Variants in KHDRBS2 observed in about 807,000 individuals in gnomAD.
KHDRBS2 encodes the protein KH RNA binding domain containing, signal transduction associated 2.
KHDRBS2 carries 26 observed loss-of-function variants against 44.3 expected under a neutral mutation model. That is an observed-to-expected ratio of 0.59 (90% CI 0.43 to 0.81). The LOEUF is 0.81. Among genes scored for constraint, KHDRBS2 ranks in the 40% least tolerant of loss-of-function variants. The probability of loss-of-function intolerance (pLI) is 0.00; values close to 1 mark genes in which losing one functional copy is unlikely to be tolerated. For synonymous variants in KHDRBS2, 194 were observed against 151.1 expected, an observed-to-expected ratio of 1.28 and a Z score of -2.08; for missense variants, 476 against 433.1, an observed-to-expected ratio of 1.10 and a Z score of -0.88.
At chr6:61,567,656 A>T in the KHDRBS2 span, among the ~76,000 whole-genome samples, 1 of 151,664 alleles carries the variant, frequency 6.6e-6, no homozygotes, top group Non-Finnish European at 1.5e-5. Flanking sequence ...AAAACAAACA[A>T]ACAAAAAAAA....
the KHDRBS2 span, among the ~76,000 whole-genome samples, chr6:61,604,837 C>T: frequency 6.6e-6 from 1 of 152,098 alleles, no homozygotes; most frequent in Admixed American, 6.6e-5. Flanking sequence ...CTGAAAAGGC[C>T]ACCATGGTCA....
chr6:61,656,658 G>A, the KHDRBS2 span, among the ~76,000 whole-genome samples: 1 of 151,926 alleles, frequency 6.6e-6, no homozygotes, highest in African/African-American at 2.4e-5. Context: ...AGACACACCA[G>A]GGTCTACTTC....
At chr6:61,913,236 G>T (rs1483494142) in intron 4 of KHDRBS2, among the ~76,000 whole-genome samples, 2 of 152,082 alleles carry the variant, frequency 1.3e-5, no homozygotes, top group African/African-American at 4.8e-5. Flanking sequence ...AGGATCTCAA[G>T]AAGTGGAGAT....
At chr6:61,941,548 G>T (rs1267910665) in intron 4 of KHDRBS2, among the ~76,000 whole-genome samples, 1 of 152,006 alleles carries the variant, frequency 6.6e-6, no homozygotes, top group African/African-American at 2.4e-5. Context: ...CACCACTAGG[G>T]CCTGAAGACT....
chr6:61,549,307 C>T, the KHDRBS2 span, among the ~76,000 whole-genome samples: 94 of 152,194 alleles, frequency 6.2e-4, no homozygotes, highest in Middle Eastern at 3.4e-3. Context: ...CTGTTTCAAA[C>T]ACATTTGGTC....
chr6:61,979,374 T>C (rs545093827), intron 3 of KHDRBS2, among the ~76,000 whole-genome samples: 1 of 152,264 alleles, frequency 6.6e-6, no homozygotes, highest in African/African-American at 2.4e-5. Flanking sequence ...ACTAAACATG[T>C]AATTCTTGGT....
intron 2 of KHDRBS2, among the ~76,000 whole-genome samples, chr6:62,107,951 G>T (rs947511794): frequency 1.1e-4 from 16 of 152,162 alleles, no homozygotes; most frequent in Admixed American, 8.5e-4. Context: ...ATTCAAGATG[G>T]ATTAAAGACT....
At chr6:61,787,239 A>C (rs530787931) in intron 6 of KHDRBS2, among the ~76,000 whole-genome samples, 3 of 151,746 alleles carry the variant, frequency 2.0e-5, no homozygotes, top group African/African-American at 7.2e-5. Context: ...ATCTGTGCAC[A>C]TAAATCTTTG....
intron 2 of KHDRBS2, among the ~76,000 whole-genome samples, chr6:62,079,790 C>T (rs1797048556): frequency 6.6e-6 from 1 of 152,102 alleles, no homozygotes; most frequent in Middle Eastern, 3.4e-3. Context: ...TCCTAAGTTT[C>T]CACATAATTA....
the KHDRBS2 span, among the ~76,000 whole-genome samples, chr6:61,667,978 T>A: frequency 6.6e-6 from 1 of 151,192 alleles, no homozygotes; most frequent in Admixed American, 6.6e-5. Context: ...CATCACTAAG[T>A]TTTACCTATG....
chr6:62,161,359 A>C lies in KHDRBS2; in HGVS notation c.219+15826T>G, dbSNP rs554343992. On this transcript the variant is annotated intron_variant, in intron 2 of 8. Transcript: ENST00000281156. ...CCATAAATTTAAAAAAATTGAAAAAATAAAATATAATAATATAAAATAACA... is the reference window on the plus strand; with the variant it reads ...CCATAAATTTAAAAAAATTGAAAAACTAAAATATAATAATATAAAATAACA... Among the ~76,000 whole-genome samples, 7 of 151,604 alleles carry C rather than the reference A, an allele frequency of 4.6e-5. No individual in the cohort carries two copies. The South Asian group carries it at 1.5e-3, about 31-fold the overall frequency.
At chr6:61,899,740 C>T (rs1356126853) in intron 5 of KHDRBS2, among the ~76,000 whole-genome samples, 1 of 141,602 alleles carries the variant, frequency 7.1e-6, no homozygotes, top group African/African-American at 2.5e-5. Flanking sequence ...AATGCCCCCC[C>T]CCCGCATTTT....
intron 2 of KHDRBS2, among the ~76,000 whole-genome samples, chr6:62,085,419 G>T (rs1798202713): frequency 6.6e-6 from 1 of 151,938 alleles, no homozygotes; most frequent in Non-Finnish European, 1.5e-5. Context: ...TATCATCAAA[G>T]GTAACTGAGA....
chr6:61,773,274 C>T (rs1271735630), intron 6 of KHDRBS2, among the ~76,000 whole-genome samples: 2 of 152,284 alleles, frequency 1.3e-5, no homozygotes, highest in East Asian at 1.9e-4. Flanking sequence ...AAAAGTGTTC[C>T]TATATCTCCA....
At chr6:61,605,149 A>G in the KHDRBS2 span, among the ~76,000 whole-genome samples, 1 of 152,172 alleles carries the variant, frequency 6.6e-6, no homozygotes, top group Middle Eastern at 3.2e-3. Flanking sequence ...TACAAGGTAC[A>G]GCCCATTTAA....
At chr6:62,036,771 C>A (rs1217083367) in intron 3 of KHDRBS2, among the ~76,000 whole-genome samples, 1 of 151,818 alleles carries the variant, frequency 6.6e-6, no homozygotes, top group East Asian at 1.9e-4. Flanking sequence ...AGTAATTGCC[C>A]AGTAATCTCA....
intron 6 of KHDRBS2, among the ~76,000 whole-genome samples, chr6:61,847,184 T>A (rs1326852493): frequency 4.6e-5 from 7 of 152,160 alleles, no homozygotes; most frequent in Non-Finnish European, 7.4e-5. Flanking sequence ...ACAAATACAA[T>A]GAAAAATAAG....
chr6:61,707,077 C>G (rs1007425852), intron 7 of KHDRBS2, among the ~76,000 whole-genome samples: 1 of 151,434 alleles, frequency 6.6e-6, no homozygotes, highest in Non-Finnish European at 1.5e-5. Context: ...GATGACATTA[C>G]ACTGAAAAAA....
intron 2 of KHDRBS2, among the ~76,000 whole-genome samples, chr6:62,097,407 C>T (rs1442458839): frequency 6.6e-6 from 1 of 151,908 alleles, no homozygotes; most frequent in African/African-American, 2.4e-5. Flanking sequence ...TACTTAGGTG[C>T]TTTTATGTTG....
Sources: allele counts gnomAD v4.1 joint callset (sites outside exome capture counted in the v4.1 genomes callset), GRCh38; gene constraint gnomAD v4.1.1; transcripts MANE v1.5; gene names NCBI Gene and HGNC (gene_info 2026-07-23, HGNC 2026-07-21).